Variants in CROCC observed in about 807,000 individuals in gnomAD.
CROCC encodes the protein rootletin.
CROCC carries 180 observed loss-of-function variants against 245.2 expected under a neutral mutation model. The observed-to-expected ratio is 0.73, with a 90% confidence interval of 0.65 to 0.83. CROCC has a LOEUF of 0.83. Among genes scored for constraint, CROCC ranks in the 40% least tolerant of loss-of-function variants. The pLI is 0.00. For synonymous variants in CROCC, 1,205 were observed against 1,241.6 expected (o/e 0.97, Z 0.62); for missense variants, 2,688 against 2,779.4 (o/e 0.97, Z 0.74).
At position 16,947,009 on chromosome 1, in the gene CROCC, T is replaced by C; in HGVS notation, c.2514+18T>C. The C allele has an allele frequency of 1.3e-6, 2 of 1,541,606 alleles. No individual in the cohort carries two copies. Among genetic ancestry groups the C allele is most frequent in the South Asian group, 2.4e-5 (2 of 83,526 alleles). ...TAGCGCAGGTGGGCAAAGCTGTGTG[T>C]GGGGGTGGTGTGGAGAGCATGTGGG... On this transcript the variant is annotated intron_variant, in intron 17 of 36. Transcript: ENST00000375541.
At position 16,966,388 on chromosome 1, in the gene CROCC, G is replaced by T; in HGVS notation, c.4697-20G>T. On this transcript the variant is annotated intron_variant, in intron 29 of 36. Transcript: ENST00000375541. The surrounding 1 kb of genome is among the most constrained non-coding windows in gnomAD (Gnocchi z 4.8). ...GGGGCTGTGCTTGGCCATGCCTGAC[G>T]GGGTGGGTGGTGGCTACAGCCCGGC... is the stretch of plus-strand genomic sequence containing the variant. The T allele has an allele frequency of 1.3e-6, 2 of 1,507,194 alleles. No individual in the cohort carries two copies. The highest frequency in any genetic ancestry group is 1.3e-5 in the South Asian group (1 of 79,308). 93.4% of individuals were successfully genotyped at this position (1,507,194 alleles called of 1,614,324 possible). A position where few individuals can be genotyped will look rare whatever the true frequency, so the allele number is the denominator to read the frequency against.
At chr1:16,940,577 A>G (rs1434580003) in intron 13 of CROCC, among the ~76,000 whole-genome samples, 1 of 152,106 alleles carries the variant, frequency 6.6e-6, no homozygotes. Flanking sequence ...TTTAGTAGAG[A>G]CGGGGTTTCA....
At chr1:16,930,394 C>T (rs373819881) in intron 6 of CROCC, 35 bp from the exon 7 acceptor site, 73 of 1,611,044 alleles carry the variant, frequency 4.5e-5, no homozygotes, top group Middle Eastern at 2.2e-4. Context: ...TGGCCCCCTG[C>T]GCGAGCGCCT....
intron 1 of CROCC, among the ~76,000 whole-genome samples, chr1:16,915,014 C>T (rs1261529393): frequency 6.6e-6 from 1 of 152,254 alleles, no homozygotes; most frequent in Non-Finnish European, 1.5e-5. Flanking sequence ...GGCAAGACTC[C>T]AGGAGTCAAC....
chr1:16,916,019 T>C (rs1460051823), intron 1 of CROCC, among the ~76,000 whole-genome samples: 1 of 152,172 alleles, frequency 6.6e-6, no homozygotes, highest in Non-Finnish European at 1.5e-5. Context: ...TCTCTACTAA[T>C]ACAAAAATTA....
At chr1:16,955,651 T>A in intron 24 of CROCC, 101 bp downstream of exon 24, 3 of 1,055,256 alleles carry the variant, frequency 2.8e-6, no homozygotes, top group African/African-American at 1.6e-5. Flanking sequence ...CAGATACGGA[T>A]CCTCTGTCTC....
Position 16,972,515 on chromosome 1 carries a change from C to A in CROCC, c.*69C>A, listed in dbSNP as rs536043306. 2,287 of 1,050,382 alleles carry A rather than the reference C, an allele frequency of 2.2e-3. 51 individuals carry two copies. The South Asian group carries it at 0.026, about 12-fold the overall frequency. 65.1% of individuals were successfully genotyped at this position (1,050,382 alleles called of 1,614,324 possible). ...GGAGGACCCTTCTTTTGGACAGCCC[C>A]CCCACCCAGAGCCCGGTCCCTTGGG... On this transcript the variant is annotated 3_prime_UTR_variant, in exon 37 of 37. Transcript: ENST00000375541.
chr1:16,958,818 A>G (rs2076287053), intron 26 of CROCC, 68 bp downstream of exon 26: 7 of 1,502,910 alleles, frequency 4.7e-6, no homozygotes, highest in South Asian at 2.5e-5. Context: ...GGGCACCCCA[A>G]TGCTGGGGCC....
rs372979227 is a variant in CROCC, at chr1:16,955,929, C to T, written c.3705-68C>T. The T allele has an allele frequency of 4.0e-4, 607 of 1,529,700 alleles. 7 individuals carry two copies. In the African/African-American group the frequency reaches 7.2e-3, roughly 18 times the overall value. 94.8% of individuals were successfully genotyped at this position (1,529,700 alleles called of 1,614,324 possible). A position where few individuals can be genotyped will look rare whatever the true frequency, so the allele number is the denominator to read the frequency against. On this transcript the variant is annotated intron_variant, in intron 24 of 36. Transcript: ENST00000375541. ...GATCCACTCCAGAAATTGGAGGAGA[C>T]GGCTTTTGTGTAGAGCCACTGACTA...
Position 16,943,171 on chromosome 1 carries a change from G to A in CROCC, c.1809-929G>A, listed in dbSNP as rs1442436499. ...GCAGGAGAATCGCTTGAACTCTGGA[G>A]GTGGAGGTTGCAGCAAGCCGAGATC... On this transcript the variant is annotated intron_variant, in intron 13 of 36. Transcript: ENST00000375541. Among the ~76,000 whole-genome samples, 14 of 152,320 alleles carry A rather than the reference G, an allele frequency of 9.2e-5. No individual in the cohort carries two copies. In the East Asian group the frequency reaches 2.7e-3, roughly 29 times the overall value.
At chr1:16,923,721 C>T (rs1280507711) in intron 2 of CROCC, among the ~76,000 whole-genome samples, 1 of 141,360 alleles carries the variant, frequency 7.1e-6, no homozygotes, top group African/African-American at 2.7e-5. Flanking sequence ...CGCTGTGTTG[C>T]CCAGGCTGGA....
chr1:16,969,979 C>G (rs2076487854), intron 33 of CROCC, 45 bp downstream of exon 33: 1 of 1,531,782 alleles, frequency 6.5e-7, no homozygotes, highest in Non-Finnish European at 8.8e-7. Flanking sequence ...ACTGTGAGGC[C>G]CTAGGATAGG....
chr1:16,936,642 T>G lies in CROCC; in HGVS notation c.962T>G (p.Leu321Arg). The change falls in exon 9 of 37, where the codon CTG (leucine) becomes CGG (arginine). Residue 321 changes from leucine to arginine, a missense_variant. By Grantham distance (102) the Leu-to-Arg change is moderately radical. Around this residue, in one of 9 missense-constraint regions of CROCC, gnomAD observed 972 missense variants for 895.3 expected, o/e 1.09. Transcript: ENST00000375541. ...SEVKMFTERD[L>R]LQLGGELART... ...GCCTGTGCTCTCTCCCGAAGGGACCTGCTGCAGCTGGGAGGGGAGCTGGCC... is the reference window on the plus strand; with the variant it reads ...GCCTGTGCTCTCTCCCGAAGGGACCGGCTGCAGCTGGGAGGGGAGCTGGCC... The G allele has an allele frequency of 6.3e-7, 1 of 1,589,156 alleles. No individual in the cohort carries two copies. The highest frequency in any genetic ancestry group is 8.6e-7 in the Non-Finnish European group (1 of 1,166,960).
Position 16,950,861 on chromosome 1 carries a change from A to AT in CROCC, c.2837-88dup, listed in dbSNP as rs1340317088. The stretch of plus-strand genomic sequence containing the variant: ...GCCAGGCAGGCCCTCTGCCTCTGGG[A>AT]TTTTGCCCATGTGGCTCACCTGGCC... On this transcript the variant is annotated intron_variant, in intron 19 of 36. Coordinates refer to ENST00000375541, the MANE Select transcript of CROCC (RefSeq NM_014675.5). The AT allele has an allele frequency of 6.9e-6, 8 of 1,151,998 alleles. No homozygotes were observed. The East Asian group carries it at 2.0e-4, about 28-fold the overall frequency. The allele number at this position is 1,151,998 out of a possible 1,614,324, so 71.4% of individuals were successfully genotyped here.
rs1397563332 is a variant in CROCC, at chr1:16,914,414, G to C, written n.126-15872G>C. Among the ~76,000 whole-genome samples the C allele has an allele frequency of 1.3e-5, 2 of 152,258 alleles. 1 individual carries two copies. The highest frequency in any genetic ancestry group is 4.8e-5 in the African/African-American group (2 of 41,478). ...GCAGGGCGCAGCCGTCCCTCCGCCG[G>C]CCGGGGTCCCCTCGCTCCGCGGGCG... is the stretch of plus-strand genomic sequence containing the variant. On this transcript the variant is annotated intron_variant and non_coding_transcript_variant, in intron 1 of 8. Coordinates refer to the CROCC transcript ENST00000466256.
Position 16,948,548 on chromosome 1 carries a change from C to G in CROCC, c.2708+24C>G, listed in dbSNP as rs547842105. 63 of 1,509,284 alleles carry G rather than the reference C, an allele frequency of 4.2e-5. 2 individuals are homozygous for G. In the South Asian group the frequency reaches 7.6e-4, roughly 18 times the overall value. 93.5% of individuals were successfully genotyped at this position (1,509,284 alleles called of 1,614,324 possible). A position where few individuals can be genotyped will look rare whatever the true frequency, so the allele number is the denominator to read the frequency against. ...CGGTAAGGCCTTGGGCTCTGCCCAACCCGCCCTGGGGGGTCCTCCTGGGGC... is the reference window on the plus strand; with the variant it reads ...CGGTAAGGCCTTGGGCTCTGCCCAAGCCGCCCTGGGGGGTCCTCCTGGGGC... On this transcript the variant is annotated intron_variant, in intron 18 of 36. Coordinates refer to ENST00000375541, the MANE Select transcript of CROCC (RefSeq NM_014675.5).
chr1:16,944,400 C>T (rs1570650869), intron 14 of CROCC, 118 bp downstream of exon 14: 3 of 1,161,464 alleles, frequency 2.6e-6, no homozygotes, highest in South Asian at 2.4e-5. Flanking sequence ...CGTCTGGACC[C>T]CTCCGATGTC....
intron 1 of CROCC, among the ~76,000 whole-genome samples, chr1:16,916,732 CA>C (rs1365606049): frequency 6.6e-6 from 1 of 152,292 alleles, no homozygotes; most frequent in Non-Finnish European, 1.5e-5. Context: ...GGGCTGGTCT[CA>C]AACGCCTGGG....
intron 21 of CROCC, 58 bp downstream of exon 21, chr1:16,953,539 G>A (rs1356159705): frequency 1.0e-4 from 155 of 1,486,508 alleles, no homozygotes; most frequent in Non-Finnish European, 1.3e-4. Flanking sequence ...TTCTGGGGCC[G>A]GGCCCTGCTC....
Sources: allele counts gnomAD v4.1 joint callset (sites outside exome capture counted in the v4.1 genomes callset), GRCh38; gene constraint gnomAD v4.1.1; regional missense constraint gnomAD v4.1.1; non-coding constraint Gnocchi (gnomAD v3.1); transcripts MANE v1.5; gene names NCBI Gene and HGNC (gene_info 2026-07-23, HGNC 2026-07-21).